Variants in KCTD8 observed in about 807,000 individuals in gnomAD.
KCTD8 encodes potassium channel tetramerization domain containing 8.
A neutral mutation model predicts 31.5 loss-of-function variants in KCTD8; 27 were observed. That is an observed-to-expected ratio of 0.86 (90% CI 0.63 to 1.18). The LOEUF (loss-of-function observed/expected upper bound fraction) is 1.18. KCTD8 is among the 50% of genes most tolerant of loss of function. KCTD8 has a pLI of 0.00. For synonymous variants in KCTD8, 290 were observed against 280.0 expected (o/e 1.04, Z -0.36); for missense variants, 658 against 647.7 (o/e 1.02, Z -0.17).
chr4:44,349,053 A>G (rs555894237), intron 1 of KCTD8, among the ~76,000 whole-genome samples: 80 of 149,412 alleles, frequency 5.4e-4, no homozygotes, highest in African/African-American at 1.9e-3. Context: ...GCTTAGTAGC[A>G]CCACCATCGC....
chr4:44,264,437 T>C (rs1316580508), intron 1 of KCTD8, among the ~76,000 whole-genome samples: 1 of 152,012 alleles, frequency 6.6e-6, no homozygotes, highest in Non-Finnish European at 1.5e-5. Context: ...AGCATTACAT[T>C]ATAAAGTCCC....
At chr4:44,423,278 T>C (rs1356492740) in intron 1 of KCTD8, among the ~76,000 whole-genome samples, 2 of 152,138 alleles carry the variant, frequency 1.3e-5, no homozygotes, top group Non-Finnish European at 2.9e-5. Flanking sequence ...GACTCATTTA[T>C]TTTGTTCAGT....
intron 1 of KCTD8, among the ~76,000 whole-genome samples, chr4:44,442,693 TGACAGTCA>T (rs1721842891): frequency 6.6e-6 from 1 of 152,124 alleles, no homozygotes; most frequent in Non-Finnish European, 1.5e-5. Flanking sequence ...TAATAATTTA[TGACAGTCA>T]AATAGATAAT....
chr4:44,201,865 T>A (rs961062505), intron 1 of KCTD8, among the ~76,000 whole-genome samples: 2 of 152,042 alleles, frequency 1.3e-5, no homozygotes, highest in Non-Finnish European at 2.9e-5. Context: ...GTCTATGGAA[T>A]AGGATAAAAT....
chr4:44,384,307 C>T (rs759767597), intron 1 of KCTD8, among the ~76,000 whole-genome samples: 13 of 151,812 alleles, frequency 8.6e-5, no homozygotes, highest in South Asian at 2.1e-4. Flanking sequence ...GCAATCCTAC[C>T]GCTGGGTGTG....
intron 1 of KCTD8, among the ~76,000 whole-genome samples, chr4:44,362,830 T>A (rs1262610390): frequency 6.6e-6 from 1 of 151,680 alleles, no homozygotes; most frequent in Admixed American, 6.6e-5. Context: ...CAAAAAAAAA[T>A]TTAATAGCAG....
chr4:44,209,824 C>CA (rs1714429815), intron 1 of KCTD8, among the ~76,000 whole-genome samples: 1 of 151,386 alleles, frequency 6.6e-6, no homozygotes, highest in Non-Finnish European at 1.5e-5. Flanking sequence ...GAATGAAAAG[C>CA]AAAAAACAAA....
intron 1 of KCTD8, among the ~76,000 whole-genome samples, chr4:44,185,740 T>C (rs987484171): frequency 1.3e-5 from 2 of 151,794 alleles, no homozygotes; most frequent in Non-Finnish European, 2.9e-5. Flanking sequence ...TTCCTTGTGA[T>C]TTCCTGCTTT....
At chr4:44,261,153 G>T (rs568077858) in intron 1 of KCTD8, among the ~76,000 whole-genome samples, 2 of 152,090 alleles carry the variant, frequency 1.3e-5, no homozygotes, top group East Asian at 3.9e-4. Flanking sequence ...ACGGTGGCAA[G>T]ATTTTTGTCC....
At chr4:44,293,726 C>CA (rs1377333941) in intron 1 of KCTD8, 11 of 430,156 alleles carry the variant, frequency 2.6e-5, no homozygotes, top group South Asian at 3.4e-5. Context: ...AAACACTGGC[C>CA]AAAAAATGGA....
intron 1 of KCTD8, among the ~76,000 whole-genome samples, chr4:44,374,280 G>A (rs935310932): frequency 1.3e-5 from 2 of 152,148 alleles, no homozygotes; most frequent in African/African-American, 4.8e-5. Flanking sequence ...CTGACCTAAA[G>A]ACTGCTAGCT....
At chr4:44,356,322 T>C (rs1173360169) in intron 1 of KCTD8, among the ~76,000 whole-genome samples, 1 of 152,208 alleles carries the variant, frequency 6.6e-6, no homozygotes, top group Non-Finnish European at 1.5e-5. Context: ...TGTACTTCTT[T>C]GAATCATTTA....
chr4:44,262,517 G>T (rs1010291633), intron 1 of KCTD8, among the ~76,000 whole-genome samples: 5 of 151,996 alleles, frequency 3.3e-5, no homozygotes, highest in Non-Finnish European at 7.4e-5. Flanking sequence ...TAAGTCACCT[G>T]TACCTTGGAG....
intron 1 of KCTD8, among the ~76,000 whole-genome samples, chr4:44,337,504 T>A (rs1449721389): frequency 6.6e-6 from 1 of 151,836 alleles, no homozygotes; most frequent in Non-Finnish European, 1.5e-5. Flanking sequence ...TGAAATCCTG[T>A]CTCTACTAGA....
intron 1 of KCTD8, among the ~76,000 whole-genome samples, chr4:44,361,995 A>G (rs1719510276): frequency 6.6e-6 from 1 of 152,178 alleles, no homozygotes; most frequent in Non-Finnish European, 1.5e-5. Context: ...TAGGCTGTTT[A>G]CATTTAATCA....
intron 1 of KCTD8, among the ~76,000 whole-genome samples, chr4:44,217,107 T>C (rs891626016): frequency 6.6e-6 from 1 of 152,190 alleles, no homozygotes; most frequent in Non-Finnish European, 1.5e-5. Flanking sequence ...AGGGTCATCC[T>C]ACTATGCAGA....
intron 1 of KCTD8, among the ~76,000 whole-genome samples, chr4:44,216,493 T>C (rs1189475567): frequency 6.6e-6 from 1 of 152,142 alleles, no homozygotes; most frequent in Non-Finnish European, 1.5e-5. Context: ...ACTGTTATCA[T>C]AATTAATGAA....
chr4:44,213,321 G>T (rs1366669730), intron 1 of KCTD8, among the ~76,000 whole-genome samples: 2 of 151,972 alleles, frequency 1.3e-5, no homozygotes, highest in African/African-American at 4.8e-5. Flanking sequence ...TACAAAGTTT[G>T]TTTTTATTCT....
intron 1 of KCTD8, among the ~76,000 whole-genome samples, chr4:44,348,401 G>T (rs1560432562): frequency 6.6e-6 from 1 of 152,140 alleles, no homozygotes; most frequent in Non-Finnish European, 1.5e-5. Flanking sequence ...AGTGCCATTT[G>T]TTTCAGTGAG....
Sources: gnomAD v4.1 joint callset for allele counts (sites outside exome capture counted in the v4.1 genomes callset) on GRCh38, gnomAD v4.1.1 for gene constraint, MANE v1.5 for transcripts, NCBI Gene and HGNC (gene_info 2026-07-23, HGNC 2026-07-21) for gene names.